The following SLC12A2 variants were observed in gnomAD, a reference collection of about 807,000 sequenced individuals.
The protein encoded by SLC12A2 is solute carrier family 12 member 2.
SLC12A2 carries 67 observed loss-of-function variants against 136.3 expected under a neutral mutation model. That is an observed-to-expected ratio of 0.49 (90% CI 0.40 to 0.60). The LOEUF is 0.60. Ranked by LOEUF, SLC12A2 falls within the 20% of genes least tolerant of loss-of-function variation. The pLI is 0.00. For missense variants in SLC12A2, 1,322 were observed against 1,534.7 expected (o/e 0.86, Z 2.32); for synonymous variants, 619 against 562.9 (o/e 1.10, Z -1.41).
chr5:128,129,293 TA>T (rs1761929963), intron 4 of SLC12A2, among the ~76,000 whole-genome samples: 1 of 152,114 alleles, frequency 6.6e-6, no homozygotes. Flanking sequence ...GGCTGATAAT[TA>T]TACTATTGTA....
intron 4 of SLC12A2, among the ~76,000 whole-genome samples, chr5:128,120,029 C>A (rs887737713): frequency 6.6e-6 from 1 of 151,702 alleles, no homozygotes; most frequent in African/African-American, 2.4e-5. Context: ...ACAAACAACC[C>A]CATCAAAAAG....
At chr5:128,182,579 G>A (rs1320832586) in intron 23 of SLC12A2, among the ~76,000 whole-genome samples, 1 of 152,016 alleles carries the variant, frequency 6.6e-6, no homozygotes, top group East Asian at 1.9e-4. Flanking sequence ...AGAAACATTA[G>A]CTTCCATTTA....
At position 128,177,165 on chromosome 5, in the gene SLC12A2, C is replaced by T; in HGVS notation, c.2977+13C>T. 6.3e-7 allele frequency: 1 copy of T among 1,584,388 alleles called. No homozygotes were observed. The highest frequency in any genetic ancestry group is 8.6e-7 in the Non-Finnish European group (1 of 1,165,614). ...CTGTTGAAAAAAGGCAGGCATTTTT[C>T]ATCATTTTATTTTAAACCCTTTTTC... On this transcript the variant is annotated intron_variant, in intron 21 of 26. Coordinates refer to ENST00000262461, the MANE Select transcript of SLC12A2 (RefSeq NM_001046.3).
intron 7 of SLC12A2, 72 bp from the exon 8 acceptor site, chr5:128,138,525 T>A: frequency 1.4e-6 from 2 of 1,392,134 alleles, no homozygotes; most frequent in Non-Finnish European, 2.0e-6. Context: ...TGTATACCTA[T>A]TATTCTTGAC....
At chr5:128,169,030 TG>T (rs1163732600) in intron 18 of SLC12A2, 2 of 152,228 alleles carry the variant, frequency 1.3e-5, no homozygotes, top group Non-Finnish European at 1.5e-5. Flanking sequence ...ACTTTTTTTT[TG>T]TTTTTGCCAG....
chr5:128,153,400 CAA>C (rs777665973), intron 15 of SLC12A2, among the ~76,000 whole-genome samples: 55 of 152,120 alleles, frequency 3.6e-4, no homozygotes, highest in Admixed American at 6.5e-4. Context: ...ACTAAAAATA[CAA>C]AAATTAGCCA....
At position 128,083,970 on chromosome 5, in the gene SLC12A2, A is replaced by G; in HGVS notation, c.16A>G (p.Thr6Ala). MEPRPTAPSSGAPGLA... is the reference protein window; with the variant it reads MEPRPAAPSSGAPGLA... The stretch of plus-strand genomic sequence containing the variant: ...TCGGGCAGCTATGGAGCCGCGGCCC[A>G]CGGCGCCCTCCTCCGGCGCCCCGGG... The change falls in exon 1 of 27, where the codon ACG becomes GCG. Residue 6 changes from threonine (T) to alanine (A), a missense_variant. Transcript: ENST00000262461. The G allele has an allele frequency of 8.1e-7, 1 of 1,238,828 alleles. No homozygotes were observed. The highest frequency in any genetic ancestry group is 1.0e-6 in the Non-Finnish European group (1 of 991,296). 76.7% of individuals were successfully genotyped at this position (1,238,828 alleles called of 1,614,324 possible).
intron 1 of SLC12A2, among the ~76,000 whole-genome samples, chr5:128,086,561 C>T (rs1239307679): frequency 6.6e-6 from 1 of 152,106 alleles, no homozygotes; most frequent in Non-Finnish European, 1.5e-5. Context: ...TTAATTCTTA[C>T]GTTATTAGGT....
intron 1 of SLC12A2, among the ~76,000 whole-genome samples, chr5:128,086,507 T>C (rs928304484): frequency 6.6e-6 from 1 of 152,186 alleles, no homozygotes; most frequent in African/African-American, 2.4e-5. Context: ...TTCCCTCTTA[T>C]ATTGGCCCTT....
At position 128,161,725 on chromosome 5, in the gene SLC12A2, T is replaced by A. The variant is rs780552990; in HGVS notation, c.2541T>A (p.Ile847=). The change falls in exon 17 of 27, where the codon ATT becomes ATA. Residue 847 remains isoleucine (I), a synonymous_variant. Coordinates refer to ENST00000262461, the MANE Select transcript of SLC12A2 (RefSeq NM_001046.3). ...IDQAKYQRWL[I]KNKMKAFYAP... The stretch of plus-strand genomic sequence containing the variant: ...AAGCCAAATATCAGCGATGGCTTAT[T>A]AAGAACAAAATGAAGGCATTTTATG... 24 of 1,538,630 alleles carry A rather than the reference T, an allele frequency of 1.6e-5. No individual in the cohort carries two copies. The highest frequency in any genetic ancestry group is 2.5e-5 in the East Asian group (1 of 39,990).
chr5:128,172,995 G>A (rs1842006), intron 19 of SLC12A2, among the ~76,000 whole-genome samples: 40,627 of 151,670 alleles, frequency 0.27, 5,881 homozygotes, highest in African/African-American at 0.37. Flanking sequence ...AAACAACTGT[G>A]AAGATTTTTA....
At chr5:128,146,224 T>G (rs933259435) in intron 10 of SLC12A2, among the ~76,000 whole-genome samples, 1 of 151,916 alleles carries the variant, frequency 6.6e-6, no homozygotes, top group African/African-American at 2.4e-5. Flanking sequence ...CACAATATGG[T>G]TATCCTACTT....
At position 128,158,894 on chromosome 5, in the gene SLC12A2, T is replaced by G. The variant is rs546900599; in HGVS notation, c.2475+730T>G. Among the ~76,000 whole-genome samples, 8 of 151,784 alleles carry G rather than the reference T, an allele frequency of 5.3e-5. No individual in the cohort carries two copies. The East Asian group carries it at 1.4e-3, about 26-fold the overall frequency. On this transcript the variant is annotated intron_variant, in intron 16 of 26. Coordinates refer to ENST00000262461, the MANE Select transcript of SLC12A2 (RefSeq NM_001046.3). Reference sequence around the variant, plus strand: ...TTTTTTTTTTTTGACTTTTTAATGATTGCCATTCTGACAGGTGTGAAATAA... The same window carrying G: ...TTTTTTTTTTTTGACTTTTTAATGAGTGCCATTCTGACAGGTGTGAAATAA...
intron 18 of SLC12A2, 61 bp from the exon 19 acceptor site, chr5:128,171,606 A>G (rs1419172794): frequency 9.5e-7 from 1 of 1,049,238 alleles, no homozygotes; most frequent in African/African-American, 1.7e-5. Flanking sequence ...TTTAAAGAGG[A>G]TAACACAAAT....
intron 15 of SLC12A2, among the ~76,000 whole-genome samples, chr5:128,155,426 G>A (rs1016891511): frequency 6.6e-6 from 1 of 152,032 alleles, no homozygotes. Flanking sequence ...TTATGATTTT[G>A]ATTAGATCAT....
intron 5 of SLC12A2, 61 bp downstream of exon 5, chr5:128,131,267 A>G (rs1762013817): frequency 6.5e-7 from 1 of 1,533,936 alleles, no homozygotes; most frequent in East Asian, 2.3e-5. Flanking sequence ...TTATATGCCG[A>G]TCACCATGTT....
Position 128,131,170 on chromosome 5 carries a change from G to A in SLC12A2, c.1152G>A (p.Val384=), listed in dbSNP as rs908971017. The change falls in exon 5 of 27, where the codon GTG becomes GTA. Residue 384 remains valine, a synonymous_variant. Coordinates refer to ENST00000262461, the MANE Select transcript of SLC12A2 (RefSeq NM_001046.3). ...ACGCTGTTGCAGTTGCTATGTATGT[G>A]GTTGGATTTGCAGAAACCGTGGTGG... is the stretch of plus-strand genomic sequence containing the variant. ...FANAVAVAMY[V]VGFAETVVEL... is the part of the protein sequence containing the mutation. The A allele has an allele frequency of 8.1e-6, 13 of 1,613,958 alleles. No homozygotes were observed. The highest frequency in any genetic ancestry group is 2.7e-5 in the African/African-American group (2 of 74,888).
chr5:128,123,561 G>T (rs1417550141), intron 4 of SLC12A2, among the ~76,000 whole-genome samples: 1 of 151,936 alleles, frequency 6.6e-6, no homozygotes, highest in Non-Finnish European at 1.5e-5. Flanking sequence ...GTTTTCATTT[G>T]TGCTTCCATA....
chr5:128,125,467 TGTA>T (rs1761753009), intron 4 of SLC12A2, among the ~76,000 whole-genome samples: 1 of 152,226 alleles, frequency 6.6e-6, no homozygotes, highest in Non-Finnish European at 1.5e-5. Context: ...TCTTTTGGGA[TGTA>T]GTCACATCTT....
Sources: gnomAD v4.1 joint callset for allele counts (sites outside exome capture counted in the v4.1 genomes callset) on GRCh38, gnomAD v4.1.1 for gene constraint, MANE v1.5 for transcripts, NCBI Gene and HGNC (gene_info 2026-07-23, HGNC 2026-07-21) for gene names.